The following ARHGAP22 variants were observed in gnomAD, a reference collection of about 807,000 sequenced individuals.
ARHGAP22 encodes rho GTPase-activating protein 22.
In ARHGAP22, 48 loss-of-function variants were observed where a neutral mutation model predicts 59.1. The observed-to-expected ratio is 0.81, with a 90% CI of 0.64 to 1.03. The LOEUF is 1.03. Ranked by LOEUF, ARHGAP22 falls within the 50% of genes least tolerant of loss-of-function variation. The probability of loss-of-function intolerance (pLI) is 0.00; values close to 1 mark genes in which losing one functional copy is unlikely to be tolerated. For missense variants in ARHGAP22, 1,015 were observed against 958.7 expected, an observed-to-expected ratio of 1.06 and a Z score of -0.78; for synonymous variants, 445 against 416.4, an observed-to-expected ratio of 1.07 and a Z score of -0.84.
rs1371086041 is a variant in ARHGAP22 at position 48,450,407 on chromosome 10, G to T, written c.1722C>A (p.Gly574=). Residue 574 remains glycine (G), a synonymous_variant, in exon 9 of 10, where the codon GGC becomes GGA. Coordinates refer to ENST00000249601, the MANE Select transcript of ARHGAP22 (RefSeq NM_021226.4). The part of the protein sequence containing the change: ...LDLDHSMDEA[G]AGASNSEPSE... ...TGGGCTCGCTGTTGCTGGCACCCGC[G>T]CCCGCCTCGTCCATGCTGTGGTCCA... 2 of 1,567,452 alleles carry T rather than the reference G, an allele frequency of 1.3e-6. No individual in the cohort carries two copies. Among genetic ancestry groups the T allele is most frequent in the Non-Finnish European group, 1.7e-6 (2 of 1,157,410 alleles).
rs2046381655 is a variant in ARHGAP22 at position 48,455,281 on chromosome 10, T to G, written c.660-147A>C. ...GGGCTGCATCTGCGGCCAGCTGCCC[T>G]GGTCAAGGAAAGGCCAGTGCTGCTT... is the stretch of plus-strand genomic sequence containing the variant. On this transcript the variant is annotated intron_variant, in intron 5 of 9. Coordinates refer to ENST00000249601, the MANE Select transcript of ARHGAP22 (RefSeq NM_021226.4). 3.0e-6 allele frequency: 3 copies of G among 1,003,782 alleles called. No homozygotes were observed. In the Admixed American group the frequency reaches 8.9e-5, roughly 30 times the overall value. 62.2% of individuals were successfully genotyped at this position (1,003,782 alleles called of 1,614,324 possible). A position where few individuals can be genotyped will look rare whatever the true frequency, so the allele number is the denominator to read the frequency against.
At chr10:48,442,857 G>A (rs982754339), downstream of ARHGAP22, among the ~76,000 whole-genome samples, 11 of 152,228 alleles carry the variant, frequency 7.2e-5, no homozygotes, top group African/African-American at 1.9e-4. Context: ...ACCAGCTGTG[G>A]CCTGAGTGCA....
At chr10:48,631,839 T>C (rs761811926) in intron 1 of ARHGAP22, among the ~76,000 whole-genome samples, 2 of 152,242 alleles carry the variant, frequency 1.3e-5, no homozygotes, top group Non-Finnish European at 2.9e-5. Flanking sequence ...TCTTTCTTTA[T>C]GTAGATCTGA....
At chr10:48,435,067 C>T in the ARHGAP22 span, 21 of 1,451,792 alleles carry the variant, frequency 1.4e-5, 1 homozygote, top group South Asian at 1.1e-4. Context: ...GATGGGGAGT[C>T]GGTTAGTCAT....
chr10:48,513,771 CAT>C (rs2053021687), intron 3 of ARHGAP22, among the ~76,000 whole-genome samples: 1 of 152,034 alleles, frequency 6.6e-6, no homozygotes, highest in East Asian at 1.9e-4. Flanking sequence ...AAGTATGGCC[CAT>C]ACACACACAA....
chr10:48,547,113 G>C (rs1406474384), intron 3 of ARHGAP22, among the ~76,000 whole-genome samples: 3 of 152,200 alleles, frequency 2.0e-5, no homozygotes, highest in African/African-American at 7.2e-5. Flanking sequence ...TGTCTGTTGA[G>C]AGTGTGTGGA....
At chr10:48,583,808 CT>C (rs1244700458) in intron 1 of ARHGAP22, among the ~76,000 whole-genome samples, 1 of 152,188 alleles carries the variant, frequency 6.6e-6, no homozygotes, top group Non-Finnish European at 1.5e-5. Flanking sequence ...TCTTCTTCAG[CT>C]GTTTGCTGTG....
chr10:48,497,839 CA>C (rs1181097746), intron 3 of ARHGAP22, among the ~76,000 whole-genome samples: 1 of 152,208 alleles, frequency 6.6e-6, no homozygotes, highest in East Asian at 1.9e-4. Context: ...GGCAGCACTG[CA>C]GTGGGCCCTG....
At chr10:48,633,068 G>C (rs1391154197) in intron 1 of ARHGAP22, among the ~76,000 whole-genome samples, 1 of 152,232 alleles carries the variant, frequency 6.6e-6, no homozygotes, top group African/African-American at 2.4e-5. Flanking sequence ...TATGAGAAGA[G>C]CATGAGCTCC....
intron 8 of ARHGAP22, 64 bp downstream of exon 8, chr10:48,453,240 C>A: frequency 1.2e-6 from 2 of 1,605,032 alleles, no homozygotes; most frequent in Non-Finnish European, 8.5e-7. Flanking sequence ...AAGGACTTGC[C>A]GTGGACCAAG....
In ARHGAP22 at chr10:48,554,110, C is replaced by T. The variant is rs766663600; in HGVS notation, c.322+1353G>A. Among the ~76,000 whole-genome samples, 132 of 152,232 alleles carry T rather than the reference C, an allele frequency of 8.7e-4. 1 individual carries two copies. The highest frequency in any genetic ancestry group is 1.7e-3 in the Non-Finnish European group (118 of 68,042). ...TGCAGTTTTACCACAAAGATTCTTG[C>T]ATTAGATGAAAAGGAATACCCAAGT... On this transcript the variant is annotated intron_variant, in intron 3 of 9. Transcript: ENST00000249601.
At chr10:48,523,649 C>T (rs868761037) in intron 3 of ARHGAP22, among the ~76,000 whole-genome samples, 1 of 152,096 alleles carries the variant, frequency 6.6e-6, no homozygotes, top group Non-Finnish European at 1.5e-5. Context: ...AGGGCGCGCG[C>T]CGGGCTCGCG....
intron 3 of ARHGAP22, among the ~76,000 whole-genome samples, chr10:48,535,257 C>G (rs191620379): frequency 3.0e-4 from 46 of 152,364 alleles, no homozygotes; most frequent in African/African-American, 1.0e-3. Context: ...GCTGCTCTAA[C>G]AGCTCCCAAA....
intron 1 of ARHGAP22, among the ~76,000 whole-genome samples, chr10:48,583,893 C>A (rs1588966255): frequency 6.6e-6 from 1 of 152,328 alleles, no homozygotes; most frequent in South Asian, 2.1e-4. Context: ...CCCGTGAGCC[C>A]TGCAGGTCCT....
intron 8 of ARHGAP22, among the ~76,000 whole-genome samples, chr10:48,452,223 T>A (rs532755347): frequency 6.6e-6 from 1 of 152,114 alleles, no homozygotes; most frequent in South Asian, 2.1e-4. Flanking sequence ...AGCTGCCTCA[T>A]TCCCTCCTGC....
intron 1 of ARHGAP22, among the ~76,000 whole-genome samples, chr10:48,630,569 C>T (rs918131283): frequency 1.3e-5 from 2 of 152,226 alleles, no homozygotes; most frequent in East Asian, 1.9e-4. Flanking sequence ...TAAATGGTAT[C>T]GTGCTTTTAT....
intron 2 of ARHGAP22, among the ~76,000 whole-genome samples, chr10:48,569,165 G>T (rs1278112801): frequency 2.0e-5 from 3 of 152,198 alleles, no homozygotes; most frequent in African/African-American, 4.8e-5. Context: ...TGTGAGAGAG[G>T]CTGCCATGCT....
At chr10:48,579,117 C>A (rs1240063597) in intron 2 of ARHGAP22, among the ~76,000 whole-genome samples, 1 of 147,972 alleles carries the variant, frequency 6.8e-6, no homozygotes, top group South Asian at 2.1e-4. Context: ...TTTTTCCTTT[C>A]CCCCATTTTG....
At chr10:48,603,905 C>T (rs1458040773) in intron 1 of ARHGAP22, among the ~76,000 whole-genome samples, 1 of 152,236 alleles carries the variant, frequency 6.6e-6, no homozygotes, top group Non-Finnish European at 1.5e-5. Context: ...TGTTTCCAAG[C>T]TCCCAGGCAA....
Sources: gnomAD v4.1 joint callset for allele counts (sites outside exome capture counted in the v4.1 genomes callset) on GRCh38, gnomAD v4.1.1 for gene constraint, MANE v1.5 for transcripts, NCBI Gene and HGNC (gene_info 2026-07-23, HGNC 2026-07-21) for gene names.